DMRT3: variants seen among roughly 807,000 people sequenced by gnomAD.
The protein encoded by DMRT3 is doublesex- and mab-3-related transcription factor 3.
In DMRT3, 29 loss-of-function variants were observed where a neutral mutation model predicts 34.9. That is an observed-to-expected ratio of 0.83 (90% confidence interval 0.62 to 1.13). The LOEUF is 1.13. DMRT3 is among the 50% of genes most tolerant of loss of function. The pLI, the probability that DMRT3 is intolerant of heterozygous loss-of-function variation, is 0.00. For synonymous variants in DMRT3, 350 were observed against 286.0 expected (o/e 1.22, Z -2.26); for missense variants, 772 against 629.1 (o/e 1.23, Z -2.43).
At chr9:977,967 G>A (rs1820173165) in intron 1 of DMRT3, among the ~76,000 whole-genome samples, 1 of 152,198 alleles carries the variant, frequency 6.6e-6, no homozygotes, top group Non-Finnish European at 1.5e-5. Context: ...CCCTGCCCAG[G>A]GCCCAGGAAA....
Position 987,399 on chromosome 9 carries a change from G to A in DMRT3, c.455-2642G>A, listed in dbSNP as rs530426185. Among the ~76,000 whole-genome samples, 1,172 of 150,870 alleles carry A rather than the reference G, an allele frequency of 7.8e-3. 22 individuals are homozygous for A. Among genetic ancestry groups the A allele is most frequent in the African/African-American group, 0.026 (1,069 of 40,602 alleles). On this transcript the variant is annotated intron_variant, in intron 1 of 1. Coordinates refer to ENST00000190165, the MANE Select transcript of DMRT3 (RefSeq NM_021240.4). Reference sequence around the variant, plus strand: ...TGGAATTCCATTCCTTTTTAAGGCTGAATAATATCCCACTGTGTGTGTGTG... The same window carrying A: ...TGGAATTCCATTCCTTTTTAAGGCTAAATAATATCCCACTGTGTGTGTGTG...
At chr9:982,037 T>C (rs1278690099) in intron 1 of DMRT3, among the ~76,000 whole-genome samples, 1 of 152,212 alleles carries the variant, frequency 6.6e-6, no homozygotes, top group Admixed American at 6.5e-5. Flanking sequence ...AAACAAAAAA[T>C]AGGATGCCAA....
At chr9:981,238 A>T (rs1238327928) in intron 1 of DMRT3, among the ~76,000 whole-genome samples, 1 of 151,524 alleles carries the variant, frequency 6.6e-6, no homozygotes, top group Non-Finnish European at 1.5e-5. Context: ...CTCCGGCTTG[A>T]CTGGGTCCCG....
At chr9:978,217 G>A (rs1341117185) in intron 1 of DMRT3, among the ~76,000 whole-genome samples, 1 of 152,146 alleles carries the variant, frequency 6.6e-6, no homozygotes, top group African/African-American at 2.4e-5. Flanking sequence ...TGTCTTCGTG[G>A]TTTAAAGGAA....
chr9:990,890 T>A lies in DMRT3; in HGVS notation c.1304T>A (p.Ile435Asn). The A allele has an allele frequency of 6.2e-7, 1 of 1,614,154 alleles. No individual in the cohort carries two copies. The highest frequency in any genetic ancestry group is 8.5e-7 in the Non-Finnish European group (1 of 1,180,022). Reference protein sequence around the residue: ...LPARATEDPRISIPDDGCPFV... With the variant: ...LPARATEDPRNSIPDDGCPFV... ...GCCCGCGCCACGGAAGACCCTCGGA[T>A]TTCCATCCCTGATGATGGGTGTCCA... The change falls in exon 2 of 2, where the codon ATT becomes AAT. Residue 435 changes from isoleucine (I) to asparagine (N), a missense_variant. Ile to Asn is a moderately radical substitution (Grantham distance 149, BLOSUM62 -3). Coordinates refer to ENST00000190165, the MANE Select transcript of DMRT3 (RefSeq NM_021240.4).
In DMRT3 at chr9:990,064, G is replaced by A; in HGVS notation, c.478G>A (p.Asp160Asn). ...KPDLTEERLG[D>N]GKSADNTEVF... ...AGATTTGACTGAAGAACGACTTGGA[G>A]ACGGCAAGTCGGCAGACAATACAGA... is the stretch of plus-strand genomic sequence containing the variant. The change falls in exon 2 of 2, where the codon GAC (aspartate) becomes AAC (asparagine). Residue 160 changes from aspartate to asparagine, a missense_variant. Physicochemically the swap from Asp to Asn is conservative, Grantham distance 23 (BLOSUM62 1). Transcript: ENST00000190165. 1 of 1,613,764 alleles carries A rather than the reference G, an allele frequency of 6.2e-7. No individual in the cohort carries two copies.
chr9:981,807 G>C (rs145527768), intron 1 of DMRT3, among the ~76,000 whole-genome samples: 64 of 152,346 alleles, frequency 4.2e-4, no homozygotes, highest in Non-Finnish European at 6.5e-4. Context: ...GCTGAGCCCA[G>C]CTTCTCGCCG....
At chr9:989,347 G>A (rs749415874) in intron 1 of DMRT3, among the ~76,000 whole-genome samples, 9 of 152,164 alleles carry the variant, frequency 5.9e-5, no homozygotes, top group Non-Finnish European at 1.3e-4. Flanking sequence ...CTGCCATCCG[G>A]AATTCATAGC....
intron 1 of DMRT3, among the ~76,000 whole-genome samples, chr9:988,208 T>C (rs747976482): frequency 2.0e-4 from 31 of 152,356 alleles, no homozygotes; most frequent in South Asian, 4.1e-4. Flanking sequence ...TGGCTTCATA[T>C]GTATGTGACG....
At chr9:979,371 C>G (rs1820188848) in intron 1 of DMRT3, among the ~76,000 whole-genome samples, 1 of 152,164 alleles carries the variant, frequency 6.6e-6, no homozygotes, top group South Asian at 2.1e-4. Flanking sequence ...TGCTGTTTTA[C>G]TCCTACTTAG....
intron 1 of DMRT3, among the ~76,000 whole-genome samples, chr9:985,680 A>G (rs905198966): frequency 1.3e-5 from 2 of 152,254 alleles, no homozygotes; most frequent in African/African-American, 4.8e-5. Context: ...TGCAGGAACT[A>G]TATATCCTGC....
intron 1 of DMRT3, among the ~76,000 whole-genome samples, chr9:986,847 T>C (rs1236435739): frequency 6.1e-5 from 9 of 146,894 alleles, no homozygotes; most frequent in Admixed American, 2.0e-4. Flanking sequence ...GCCGAGACCA[T>C]GCCACTGCAC....
intron 1 of DMRT3, 182 bp from the exon 2 acceptor site, chr9:989,859 A>G: frequency 2.9e-6 from 2 of 684,124 alleles, no homozygotes; most frequent in Non-Finnish European, 4.7e-6. Context: ...CTTTATTTAC[A>G]GGGTTTTTGT....
intron 1 of DMRT3, among the ~76,000 whole-genome samples, chr9:987,277 C>T (rs545550301): frequency 9.9e-5 from 15 of 152,264 alleles, no homozygotes; most frequent in East Asian, 7.7e-4. Context: ...TTCTTGGTAT[C>T]GAATATAAGT....
Position 990,618 on chromosome 9 carries a change from C to A in DMRT3, c.1032C>A (p.Ala344=), listed in dbSNP as rs766101082. ...FRVPDTLRFS[A]DSSNVVPSPL... is the part of the protein sequence containing the mutation. ...TCCCAGACACGTTGAGGTTTTCTGC[C>A]GACTCTAGCAACGTTGTCCCCAGTC... Residue 344 remains alanine (A), a synonymous_variant, in exon 2 of 2, where the codon GCC becomes GCA. Transcript: ENST00000190165. The A allele has an allele frequency of 1.2e-6, 2 of 1,613,948 alleles. No individual in the cohort carries two copies. The highest frequency in any genetic ancestry group is 1.7e-6 in the Non-Finnish European group (2 of 1,180,026).
chr9:981,279 T>G (rs1820217400), intron 1 of DMRT3, among the ~76,000 whole-genome samples: 1 of 152,070 alleles, frequency 6.6e-6, no homozygotes, highest in Non-Finnish European at 1.5e-5. Flanking sequence ...TTTAATTTTT[T>G]TTTCCCCCAA....
intron 1 of DMRT3, among the ~76,000 whole-genome samples, chr9:981,119 A>G (rs1820211245): frequency 6.6e-6 from 1 of 152,184 alleles, no homozygotes; most frequent in Non-Finnish European, 1.5e-5. Context: ...AGCAAACAAG[A>G]TAACTATAGG....
rs749738359 is a variant in DMRT3, at chr9:990,885, T to C, written c.1299T>C (p.Pro433=). The C allele has an allele frequency of 1.6e-5, 26 of 1,614,002 alleles. No homozygotes were observed. The Admixed American group carries it at 3.8e-4, about 24-fold the overall frequency. Residue 433 remains proline, a synonymous_variant, in exon 2 of 2, where the codon CCT becomes CCC. Transcript: ENST00000190165. Reference sequence around the variant, plus strand: ...TTCCTGCCCGCGCCACGGAAGACCCTCGGATTTCCATCCCTGATGATGGGT... The same window carrying C: ...TTCCTGCCCGCGCCACGGAAGACCCCCGGATTTCCATCCCTGATGATGGGT... ...PVLPARATED[P]RISIPDDGCP... is the part of the protein sequence containing the mutation.
Position 987,384 on chromosome 9 carries a change from T to C in DMRT3, c.455-2657T>C, listed in dbSNP as rs541451066. On this transcript the variant is annotated intron_variant, in intron 1 of 1. Coordinates refer to ENST00000190165, the MANE Select transcript of DMRT3 (RefSeq NM_021240.4). ...TGTTATAGCATGTATTGGAATTCCA[T>C]TCCTTTTTAAGGCTGAATAATATCC... Among the ~76,000 whole-genome samples, 3 of 151,834 alleles carry C rather than the reference T, an allele frequency of 2.0e-5. No homozygotes were observed. In the East Asian group the frequency reaches 5.8e-4, roughly 29 times the overall value.
Sources: allele counts gnomAD v4.1 joint callset (sites outside exome capture counted in the v4.1 genomes callset), GRCh38; gene constraint gnomAD v4.1.1; transcripts MANE v1.5; gene names NCBI Gene and HGNC (gene_info 2026-07-23, HGNC 2026-07-21).